The following DIAPH2 variants were observed in gnomAD, a reference collection of about 807,000 sequenced individuals.
DIAPH2 encodes diaphanous related formin 2, also known as protein diaphanous homolog 2.
A neutral mutation model predicts 92.7 loss-of-function variants in DIAPH2; 35 were observed. That is an observed-to-expected ratio of 0.38 (90% confidence interval 0.29 to 0.50). The LOEUF (loss-of-function observed/expected upper bound fraction) is 0.50. Ranked by LOEUF, DIAPH2 falls within the 20% of genes least tolerant of loss-of-function variation. DIAPH2 has a pLI of 0.94. For missense variants in DIAPH2, 701 were observed against 819.5 expected (o/e 0.86, Z 1.77); for synonymous variants, 301 against 280.4 (o/e 1.07, Z -0.73).
chrX:97,585,493 C>A (rs1343831238), intron 26 of DIAPH2, among the ~76,000 whole-genome samples: 2 of 109,637 alleles, frequency 1.8e-5, no homozygotes, highest in African/African-American at 3.3e-5. Context: ...TATGAATTGG[C>A]TGCCCCTGAA....
intron 23 of DIAPH2, among the ~76,000 whole-genome samples, chrX:97,315,847 T>G (rs1569360079): frequency 1.8e-5 from 2 of 111,203 alleles, no homozygotes; most frequent in Admixed American, 9.7e-5. Flanking sequence ...ATGTGTAGAG[T>G]GCCTATTGCA....
intron 24 of DIAPH2, 76 bp from the exon 25 acceptor site, chrX:97,383,832 GA>G: frequency 2.1e-6 from 2 of 953,424 alleles, no homozygotes; most frequent in Non-Finnish European, 2.8e-6. Context: ...AGCAGTGAGA[GA>G]AAATTCAAAA....
chrX:97,286,460 G>A (rs2068544254), intron 23 of DIAPH2, among the ~76,000 whole-genome samples: 1 of 111,421 alleles, frequency 9.0e-6, no homozygotes, highest in South Asian at 3.8e-4. Flanking sequence ...CTGGGCTGTT[G>A]CAATGCTAGA....
At chrX:97,273,665 A>G (rs2068409788) in intron 23 of DIAPH2, among the ~76,000 whole-genome samples, 1 of 111,829 alleles carries the variant, frequency 8.9e-6, no homozygotes. Context: ...AATCAGTGAT[A>G]CTCAGATATT....
rs143987487 is a variant in DIAPH2 at position 97,232,516 on chromosome X, C to T, written c.2720-15199C>T. On this transcript the variant is annotated intron_variant, in intron 22 of 26. Coordinates refer to ENST00000324765, the MANE Select transcript of DIAPH2 (RefSeq NM_006729.5). The stretch of plus-strand genomic sequence containing the variant: ...TACTGAGATTACAGGTGTGAGCCAT[C>T]GCACCCGGCCCCTCTTTCTTTTCTC... Among the ~76,000 whole-genome samples, 35 of 111,580 alleles carry T rather than the reference C, an allele frequency of 3.1e-4. No individual in the cohort carries two copies. The East Asian group carries it at 8.8e-3, about 28-fold the overall frequency.
intron 26 of DIAPH2, among the ~76,000 whole-genome samples, chrX:97,576,915 G>A (rs2071402845): frequency 9.0e-6 from 1 of 111,390 alleles, no homozygotes; most frequent in African/African-American, 3.3e-5. Context: ...TATGGTTATG[G>A]TATTTTGCGA....
At chrX:96,839,275 C>G (rs1457122396) in intron 4 of DIAPH2, among the ~76,000 whole-genome samples, 2 of 111,160 alleles carry the variant, frequency 1.8e-5, no homozygotes, top group Non-Finnish European at 3.8e-5. Flanking sequence ...TGTCACTCCC[C>G]TAAATGCCTA....
intron 23 of DIAPH2, among the ~76,000 whole-genome samples, chrX:97,297,676 G>A (rs778233654): frequency 9.5e-6 from 1 of 104,990 alleles, no homozygotes; most frequent in East Asian, 3.0e-4. Context: ...TGGTTCTACT[G>A]GTTTGGATAA....
intron 22 of DIAPH2, among the ~76,000 whole-genome samples, chrX:97,244,949 C>T (rs933156691): frequency 9.0e-6 from 1 of 110,628 alleles, no homozygotes; most frequent in Non-Finnish European, 1.9e-5. Context: ...ATTAGCTGGG[C>T]GTGGTGGCAC....
intron 26 of DIAPH2, among the ~76,000 whole-genome samples, chrX:97,489,933 T>C (rs1189609250): frequency 8.9e-6 from 1 of 111,996 alleles, no homozygotes; most frequent in Non-Finnish European, 1.9e-5. Flanking sequence ...AGGGTAATAC[T>C]GGCTTGATTG....
intron 12 of DIAPH2, among the ~76,000 whole-genome samples, chrX:96,941,765 A>T (rs1007843621): frequency 9.1e-6 from 1 of 110,066 alleles, no homozygotes; most frequent in African/African-American, 3.3e-5. Flanking sequence ...TTTCAACACA[A>T]GCATGAATCC....
chrX:97,300,825 G>C (rs1354785515), intron 23 of DIAPH2, among the ~76,000 whole-genome samples: 1 of 98,539 alleles, frequency 1.0e-5, no homozygotes, highest in African/African-American at 3.6e-5. Context: ...CCAGCTACTT[G>C]GGAGGCTGAG....
In DIAPH2 at chrX:96,960,518, C is replaced by T. The variant is rs142458371; in HGVS notation, c.1935+2370C>T. Among the ~76,000 whole-genome samples, 686 of 110,728 alleles carry T rather than the reference C, an allele frequency of 6.2e-3. 11 individuals are homozygous for T. Among genetic ancestry groups the T allele is most frequent in the African/African-American group, 0.021 (631 of 30,520 alleles). ...TTTTTTGTGGGGTGTTTAGGTATCTCCAAATGTCAGATCATGTTGTCTGCA... is the reference window on the plus strand; with the variant it reads ...TTTTTTGTGGGGTGTTTAGGTATCTTCAAATGTCAGATCATGTTGTCTGCA... On this transcript the variant is annotated intron_variant, in intron 16 of 26. Transcript: ENST00000324765.
intron 23 of DIAPH2, among the ~76,000 whole-genome samples, chrX:97,318,416 C>T (rs933509125): frequency 2.8e-5 from 3 of 107,030 alleles, no homozygotes; most frequent in Non-Finnish European, 5.8e-5. Flanking sequence ...GGATTACAAG[C>T]GTGAGCCACA....
chrX:97,433,096 G>T (rs2070144676), intron 26 of DIAPH2, among the ~76,000 whole-genome samples: 1 of 111,633 alleles, frequency 9.0e-6, no homozygotes, highest in South Asian at 3.8e-4. Context: ...TAACTCAGAA[G>T]GAGCTTCCAC....
chrX:96,825,256 G>A (rs767558619), intron 4 of DIAPH2, among the ~76,000 whole-genome samples: 3 of 108,062 alleles, frequency 2.8e-5, no homozygotes, highest in South Asian at 8.1e-4. Flanking sequence ...ATGCCTGGCC[G>A]TATTAATGTT....
chrX:96,795,258 C>T (rs1434279854), intron 4 of DIAPH2, among the ~76,000 whole-genome samples: 1 of 111,314 alleles, frequency 9.0e-6, no homozygotes, highest in Non-Finnish European at 1.9e-5. Flanking sequence ...CAGGTTATCT[C>T]ACTGCAACTT....
chrX:97,297,147 C>T (rs1382677865), intron 23 of DIAPH2, among the ~76,000 whole-genome samples: 1 of 88,785 alleles, frequency 1.1e-5, no homozygotes, highest in Non-Finnish European at 2.1e-5. Flanking sequence ...GAATCAGACT[C>T]ATGACCTTGG....
At chrX:97,238,095 G>A (rs2068063627) in intron 22 of DIAPH2, among the ~76,000 whole-genome samples, 1 of 112,070 alleles carries the variant, frequency 8.9e-6, no homozygotes, top group South Asian at 3.7e-4. Context: ...GAAGGGACTG[G>A]GATTCTTCAA....
Sources: allele counts gnomAD v4.1 joint callset (sites outside exome capture counted in the v4.1 genomes callset), GRCh38; gene constraint gnomAD v4.1.1; transcripts MANE v1.5; gene names NCBI Gene and HGNC (gene_info 2026-07-23, HGNC 2026-07-21).